MTMR10: variants seen among roughly 807,000 people sequenced by gnomAD.
MTMR10 encodes myotubularin related protein 10, also known as myotubularin-related protein 10.
MTMR10 carries 56 observed loss-of-function variants against 88.1 expected under a neutral mutation model. That is an observed-to-expected ratio of 0.64 (90% CI 0.51 to 0.79). The LOEUF is 0.79. MTMR10 is among the 30% of genes least tolerant of loss of function. The pLI is 0.00. For missense variants in MTMR10, 883 were observed against 924.7 expected, an observed-to-expected ratio of 0.95 and a Z score of 0.58; for synonymous variants, 380 against 340.9, an observed-to-expected ratio of 1.11 and a Z score of -1.26.
chr15:30,929,837 AATATATAAAATATATATCATATATAAT>A, the MTMR10 span, among the ~76,000 whole-genome samples: 136 of 76,856 alleles, frequency 1.8e-3, 5 homozygotes, highest in Non-Finnish European at 2.3e-3. Context: ...TATATAATAT[AATATATAAAATATATATCATATATAAT>A]ATATATAAAA....
intron 6 of MTMR10, among the ~76,000 whole-genome samples, chr15:30,964,830 AAAGTCTAATCCT>A (rs766474717): frequency 1.2e-3 from 189 of 152,284 alleles, no homozygotes; most frequent in Non-Finnish European, 2.5e-3. Flanking sequence ...TGACAGTACA[AAAGTCTAATCCT>A]ATACTGTTGG....
chr15:30,928,506 T>G, the MTMR10 span: 368 of 1,484,496 alleles, frequency 2.5e-4, no homozygotes, highest in Non-Finnish European at 2.4e-4. Flanking sequence ...AAAACAGATT[T>G]TGTGTGTGTG....
In MTMR10 at chr15:30,952,012, A is replaced by T; in HGVS notation, c.1163T>A (p.Leu388His). 6.2e-7 allele frequency: 1 copy of T among 1,613,864 alleles called. No homozygotes were observed. Among genetic ancestry groups the T allele is most frequent in the Non-Finnish European group, 8.5e-7 (1 of 1,179,776 alleles). The change falls in exon 12 of 16, where the codon CTT (leucine) becomes CAT (histidine). Residue 388 changes from leucine (L) to histidine (H), a missense_variant. Coordinates refer to ENST00000435680, the MANE Select transcript of MTMR10 (RefSeq NM_017762.3). ...VRAFLKHSAE[L>H]VYMLESKHLS... ...ATGTTTGCTTTCTAGCATGTATACA[A>T]GTTCTGCTGAATGCTTAAGGAATGC...
At chr15:30,972,719 A>C (rs192991368) in intron 5 of MTMR10, among the ~76,000 whole-genome samples, 13 of 152,288 alleles carry the variant, frequency 8.5e-5, no homozygotes, top group Admixed American at 7.9e-4. Flanking sequence ...TCTCTAGGGC[A>C]AGAAACTGCA....
At chr15:30,982,088 A>G (rs992542422) in intron 2 of MTMR10, among the ~76,000 whole-genome samples, 1 of 144,588 alleles carries the variant, frequency 6.9e-6, no homozygotes, top group Non-Finnish European at 1.5e-5. Flanking sequence ...AAAAGAAAAG[A>G]AAAAGAAAAA....
chr15:30,940,464 T>G lies in MTMR10; in HGVS notation c.*1006A>C. On this transcript the variant is annotated 3_prime_UTR_variant, in exon 16 of 16. Coordinates refer to ENST00000435680, the MANE Select transcript of MTMR10 (RefSeq NM_017762.3). ...AGGAACTATGAGAGAAGGACATCTG[T>G]GCAGGTGCCCAACTCGTAACCTCAT... The G allele has an allele frequency of 2.0e-6, 2 of 985,452 alleles. No individual in the cohort carries two copies. Among genetic ancestry groups the G allele is most frequent in the Non-Finnish European group, 2.4e-6 (2 of 829,950 alleles). 61.0% of individuals were successfully genotyped at this position (985,452 alleles called of 1,614,324 possible). A position where few individuals can be genotyped will look rare whatever the true frequency, so the allele number is the denominator to read the frequency against.
intron 5 of MTMR10, among the ~76,000 whole-genome samples, chr15:30,971,351 G>A (rs919461554): frequency 6.6e-6 from 1 of 152,120 alleles, no homozygotes; most frequent in Non-Finnish European, 1.5e-5. Context: ...CACAGTGGAT[G>A]GTTTCTTTCC....
chr15:30,967,947 A>G lies in MTMR10; in HGVS notation c.538T>C (p.Tyr180His). 1 of 1,567,410 alleles carries G rather than the reference A, an allele frequency of 6.4e-7. No individual in the cohort carries two copies. Among genetic ancestry groups the G allele is most frequent in the Middle Eastern group, 1.7e-4 (1 of 5,990 alleles). ...GAATTGTGGTATTTTTTCCCAACAT[A>G]TTCAAATGCAAAGAGTAGCTGGAGG... Reference protein sequence around the residue: ...TDLQLLFAFEYVGKKYHNSAN... With the variant: ...TDLQLLFAFEHVGKKYHNSAN... The change falls in exon 6 of 16, where the codon TAT becomes CAT. Residue 180 changes from tyrosine (Y) to histidine (H), a missense_variant. By Grantham distance (83) the Tyr-to-His change is moderately conservative. Coordinates refer to ENST00000435680, the MANE Select transcript of MTMR10 (RefSeq NM_017762.3).
At chr15:30,919,211 T>G in the MTMR10 span, among the ~76,000 whole-genome samples, 3 of 151,414 alleles carry the variant, frequency 2.0e-5, no homozygotes, top group Non-Finnish European at 2.9e-5. Context: ...AGAAACCTCG[T>G]CTCTACTAAA....
At chr15:30,931,341 G>A in the MTMR10 span, among the ~76,000 whole-genome samples, 3 of 152,136 alleles carry the variant, frequency 2.0e-5, no homozygotes, top group African/African-American at 4.8e-5. Context: ...CTGGATACAA[G>A]TCCTTTATCA....
intron 9 of MTMR10, among the ~76,000 whole-genome samples, chr15:30,958,231 G>A (rs184362267): frequency 2.0e-5 from 3 of 152,322 alleles, no homozygotes; most frequent in East Asian, 3.9e-4. Flanking sequence ...AGCGGCCTTA[G>A]AATCTGTGTA....
In MTMR10 at chr15:30,974,926, C is replaced by T. The variant is rs368351460; in HGVS notation, c.331+5G>A. On this transcript the variant is annotated splice_donor_5th_base_variant and intron_variant, in intron 4 of 15. Transcript: ENST00000435680. Reference sequence around the variant, plus strand: ...CTTTTAGAGTATGTACGGAATACTACGTACCTGTGACAATTTGCTCAATAC... The same window carrying T: ...CTTTTAGAGTATGTACGGAATACTATGTACCTGTGACAATTTGCTCAATAC... 70 of 1,539,834 alleles carry T rather than the reference C, an allele frequency of 4.5e-5. 1 individual carries two copies. The highest frequency in any genetic ancestry group is 6.0e-5 in the South Asian group (5 of 83,474).
the MTMR10 span, chr15:30,929,361 C>A: frequency 6.2e-7 from 1 of 1,611,472 alleles, no homozygotes; most frequent in South Asian, 1.1e-5. Context: ...CTTCCCTTGT[C>A]AGCTGGGATC....
At chr15:30,966,939 A>G (rs981151549) in intron 6 of MTMR10, among the ~76,000 whole-genome samples, 2 of 151,002 alleles carry the variant, frequency 1.3e-5, no homozygotes, top group African/African-American at 4.9e-5. Flanking sequence ...ACTTATACAC[A>G]TGCATCTTCA....
rs7177299 is a variant in MTMR10, at chr15:30,974,916, C to T, written c.331+15G>A. 6,176 of 1,492,662 alleles carry T rather than the reference C, an allele frequency of 4.1e-3. 210 individuals carry two copies. The African/African-American group carries it at 0.074, about 18-fold the overall frequency. The allele number at this position is 1,492,662 out of a possible 1,614,324, so 92.5% of individuals were successfully genotyped here. A position where few individuals can be genotyped will look rare whatever the true frequency, so the allele number is the denominator to read the frequency against. On this transcript the variant is annotated intron_variant, in intron 4 of 15. Transcript: ENST00000435680. ...GTGGAATTGACTTTTAGAGTATGTA[C>T]GGAATACTACGTACCTGTGACAATT... is the stretch of plus-strand genomic sequence containing the variant.
chr15:30,982,543 T>C (rs942324862), intron 2 of MTMR10, among the ~76,000 whole-genome samples: 2 of 152,112 alleles, frequency 1.3e-5, no homozygotes, highest in African/African-American at 2.4e-5. Context: ...GCCAGGGTCT[T>C]TTAAGCGCCA....
chr15:30,925,672 C>T, the MTMR10 span: 2 of 1,152,942 alleles, frequency 1.7e-6, no homozygotes, highest in Non-Finnish European at 2.5e-6. Context: ...ACGCTGTGTG[C>T]TCTACTAAGT....
chr15:30,940,670 G>T lies in MTMR10; in HGVS notation c.*800C>A, dbSNP rs2063015966. 2.0e-6 allele frequency: 2 copies of T among 987,048 alleles called. No individual in the cohort carries two copies. The highest frequency in any genetic ancestry group is 1.2e-4 in the Admixed American group (2 of 16,388). The allele number at this position is 987,048 out of a possible 1,614,324, so 61.1% of individuals were successfully genotyped here. On this transcript the variant is annotated 3_prime_UTR_variant, in exon 16 of 16. Transcript: ENST00000435680. Reference sequence around the variant, plus strand: ...TCAGCACCCCAGAGGCCACTCCCCAGTGGCTTTCAGAGGAACAAGACTCTG... The same window carrying T: ...TCAGCACCCCAGAGGCCACTCCCCATTGGCTTTCAGAGGAACAAGACTCTG...
chr15:30,948,709 C>T (rs1215223744), intron 12 of MTMR10: 14 of 554,204 alleles, frequency 2.5e-5, no homozygotes, highest in Non-Finnish European at 4.1e-5. Context: ...ATAATAGAAG[C>T]TCATCACTCA....
Sources: gnomAD v4.1 joint callset for allele counts (sites outside exome capture counted in the v4.1 genomes callset) on GRCh38, gnomAD v4.1.1 for gene constraint, MANE v1.5 for transcripts, NCBI Gene and HGNC (gene_info 2026-07-23, HGNC 2026-07-21) for gene names.